Variants in BDKRB2 observed in about 807,000 individuals in gnomAD.
The protein encoded by BDKRB2 is bradykinin receptor B2.
BDKRB2 carries 6 observed loss-of-function variants against 4.0 expected under a neutral mutation model. The observed-to-expected ratio is 1.49, with a 90% confidence interval of 0.81 to 2.93. The LOEUF is 2.93. BDKRB2 is among the 30% of genes most tolerant of loss of function. BDKRB2 has a pLI of 0.00. For synonymous variants in BDKRB2, 225 were observed against 215.3 expected (o/e 1.05, Z -0.40); for missense variants, 478 against 520.1 (o/e 0.92, Z 0.79).
chr14:96,231,387 T>C (rs1043232284), intron 1 of BDKRB2, among the ~76,000 whole-genome samples: 3 of 152,198 alleles, frequency 2.0e-5, no homozygotes, highest in Non-Finnish European at 4.4e-5. Context: ...CAGACAGCTT[T>C]GGCCTTCTTT....
At chr14:96,214,508 A>G (rs1351892078) in intron 1 of BDKRB2, 1 of 152,270 alleles carries the variant, frequency 6.6e-6, no homozygotes, top group East Asian at 1.9e-4. Context: ...ACACACTTAC[A>G]GTCCCTCCCT....
At chr14:96,205,428 T>C (rs1890152154) in intron 1 of BDKRB2, among the ~76,000 whole-genome samples, 1 of 139,798 alleles carries the variant, frequency 7.2e-6, no homozygotes, top group Non-Finnish European at 1.5e-5. Context: ...TTTCTCTGTC[T>C]GCAAAGCAGC....
At chr14:96,218,481 T>A (rs948998881) in intron 1 of BDKRB2, among the ~76,000 whole-genome samples, 1 of 152,008 alleles carries the variant, frequency 6.6e-6, no homozygotes, top group Non-Finnish European at 1.5e-5. Context: ...TTTTTTAAAG[T>A]GAGGGCAATG....
chr14:96,237,103 TC>T lies in BDKRB2; in HGVS notation c.-3del, dbSNP rs1890952828. ...GGCCTCACTCACATCCCACTCTGAG[TC>T]CAAATGTTCTCTCCCTGGAAGATAT... is the stretch of plus-strand genomic sequence containing the variant. On this transcript the variant is annotated 5_prime_UTR_variant, in exon 2 of 3. Coordinates refer to ENST00000554311, the MANE Select transcript of BDKRB2 (RefSeq NM_001379692.1). The T allele has an allele frequency of 1.2e-6, 2 of 1,612,738 alleles. No individual in the cohort carries two copies. The highest frequency in any genetic ancestry group is 2.7e-5 in the African/African-American group (2 of 74,888).
chr14:96,228,898 G>A (rs764345270), intron 1 of BDKRB2, among the ~76,000 whole-genome samples: 36 of 152,228 alleles, frequency 2.4e-4, no homozygotes, highest in Admixed American at 1.8e-3. Flanking sequence ...TCCTGGCCCT[G>A]CCTCTGATGA....
chr14:96,235,466 C>T (rs1474090536), intron 1 of BDKRB2, among the ~76,000 whole-genome samples: 1 of 152,012 alleles, frequency 6.6e-6, no homozygotes, highest in East Asian at 1.9e-4. Flanking sequence ...CCTAGGTCTT[C>T]CTTTCCCTCT....
rs749886984 is a variant in BDKRB2 at position 96,241,548 on chromosome 14, G to A, written c.*44G>A. The A allele has an allele frequency of 5.1e-5, 76 of 1,498,796 alleles. No homozygotes were observed. In the East Asian group the frequency reaches 1.3e-3, roughly 25 times the overall value. 92.8% of individuals were successfully genotyped at this position (1,498,796 alleles called of 1,614,324 possible). On this transcript the variant is annotated 3_prime_UTR_variant, in exon 3 of 3. Transcript: ENST00000554311. ...GCTGTGAATTTGTGTAAGGATTGAG[G>A]GACAGTTGCTTTTCAGCATGGGCCC...
At chr14:96,223,710 T>C (rs1267732030) in intron 1 of BDKRB2, among the ~76,000 whole-genome samples, 1 of 152,170 alleles carries the variant, frequency 6.6e-6, no homozygotes, top group Non-Finnish European at 1.5e-5. Flanking sequence ...TGGTGTTGTA[T>C]GTAAGGTCAC....
chr14:96,243,519 A>G lies in BDKRB2; in HGVS notation c.*2015A>G, dbSNP rs1005388667. On this transcript the variant is annotated 3_prime_UTR_variant, in exon 3 of 3. Coordinates refer to ENST00000554311, the MANE Select transcript of BDKRB2 (RefSeq NM_001379692.1). ...TGGAAGGGCTAGAACCTGTAGAGCT[A>G]GAACATGGAGAGCTAGAACCCGGCA... 9.2e-5 allele frequency: 14 copies of G among 151,964 alleles called. No homozygotes were observed. The highest frequency in any genetic ancestry group is 7.2e-4 in the Admixed American group (11 of 15,256). The allele number at this position is 151,964 out of a possible 1,614,324, so 9.4% of individuals were successfully genotyped here. A position where few individuals can be genotyped will look rare whatever the true frequency, so the allele number is the denominator to read the frequency against.
chr14:96,240,069 TGAATCC>T (rs1885231817), intron 2 of BDKRB2: 1 of 1,053,964 alleles, frequency 9.5e-7, no homozygotes, highest in East Asian at 7.0e-5. Context: ...GGAAGGAATG[TGAATCC>T]TCCCATCACG....
At chr14:96,237,432 C>A (rs550104870) in intron 2 of BDKRB2, among the ~76,000 whole-genome samples, 9 of 152,318 alleles carry the variant, frequency 5.9e-5, no homozygotes, top group Non-Finnish European at 1.0e-4. Flanking sequence ...CATATGTGAT[C>A]TATCCCAGAT....
chr14:96,238,008 G>A, intron 2 of BDKRB2: 3 of 1,178,162 alleles, frequency 2.5e-6, no homozygotes, highest in South Asian at 1.6e-5. Flanking sequence ...AAATGGGGTT[G>A]AGGGTTGGAC....
chr14:96,227,661 G>A (rs1052991786), intron 1 of BDKRB2, among the ~76,000 whole-genome samples: 2 of 150,798 alleles, frequency 1.3e-5, no homozygotes, highest in African/African-American at 2.5e-5. Context: ...ACACACATGT[G>A]CACAAACACA....
chr14:96,208,595 G>A (rs570919035), intron 1 of BDKRB2, among the ~76,000 whole-genome samples: 7 of 152,248 alleles, frequency 4.6e-5, no homozygotes, highest in African/African-American at 1.7e-4. Context: ...GGTACCAGAC[G>A]GACTGTCTAT....
At chr14:96,228,142 G>A (rs936035713) in intron 1 of BDKRB2, among the ~76,000 whole-genome samples, 1 of 151,612 alleles carries the variant, frequency 6.6e-6, no homozygotes, top group South Asian at 2.1e-4. Context: ...CGGTGACAGG[G>A]GTGTGGCTCA....
chr14:96,223,004 G>C, intron 1 of BDKRB2: 1 of 654,022 alleles, frequency 1.5e-6, no homozygotes, highest in Non-Finnish European at 2.8e-6. Flanking sequence ...CAAACAACTG[G>C]AAGTTGGAAG....
intron 1 of BDKRB2, among the ~76,000 whole-genome samples, chr14:96,232,791 G>A (rs2139791186): frequency 6.6e-6 from 1 of 152,286 alleles, no homozygotes; most frequent in Non-Finnish European, 1.5e-5. Flanking sequence ...TTGTTTACCA[G>A]GCCAAACTAC....
At chr14:96,205,063 T>G (rs1055758262) in intron 1 of BDKRB2, 104 bp downstream of exon 1, 1 of 163,432 alleles carries the variant, frequency 6.1e-6, no homozygotes, top group African/African-American at 2.4e-5. Flanking sequence ...GGGAGAAGTT[T>G]CCCTGTGGTC....
intron 1 of BDKRB2, among the ~76,000 whole-genome samples, chr14:96,230,828 C>T (rs1890802336): frequency 6.6e-6 from 1 of 152,160 alleles, no homozygotes; most frequent in Non-Finnish European, 1.5e-5. Flanking sequence ...GTTGGCCAGG[C>T]TTGTCTTGAA....
Sources: allele counts gnomAD v4.1 joint callset (sites outside exome capture counted in the v4.1 genomes callset), GRCh38; gene constraint gnomAD v4.1.1; transcripts MANE v1.5; gene names NCBI Gene and HGNC (gene_info 2026-07-23, HGNC 2026-07-21).